Variants in RAB3GAP2 observed in about 807,000 individuals in gnomAD.
RAB3GAP2 encodes the protein RAB3 GTPase activating non-catalytic protein subunit 2.
In RAB3GAP2, 87 loss-of-function variants were observed where a neutral mutation model predicts 185.3. The ratio of observed to expected loss-of-function variants is 0.47; its 90% CI spans 0.39 to 0.56. RAB3GAP2 has a LOEUF of 0.56. Among genes scored for constraint, RAB3GAP2 ranks in the 20% least tolerant of loss-of-function variants. The probability of loss-of-function intolerance (pLI) is 0.00; values close to 1 mark genes in which losing one functional copy is unlikely to be tolerated. For missense variants in RAB3GAP2, 1,492 were observed against 1,638.2 expected (o/e 0.91, Z 1.54); for synonymous variants, 554 against 576.1 (o/e 0.96, Z 0.55).
intron 1 of RAB3GAP2, chr1:220,267,272 C>T (rs1660244913): frequency 1.1e-6 from 1 of 909,182 alleles, no homozygotes; most frequent in Non-Finnish European, 1.9e-6. Flanking sequence ...TTGACTGTTT[C>T]AAGTGGTGTA....
At chr1:220,194,084 C>G (rs1220139156) in intron 12 of RAB3GAP2, among the ~76,000 whole-genome samples, 1 of 151,826 alleles carries the variant, frequency 6.6e-6, no homozygotes, top group African/African-American at 2.4e-5. Flanking sequence ...AGCTATACTT[C>G]GATAAATTTT....
chr1:220,190,616 C>A, intron 14 of RAB3GAP2, 96 bp from the exon 15 acceptor site: 2 of 1,300,346 alleles, frequency 1.5e-6, no homozygotes, highest in East Asian at 2.3e-5. Context: ...ACATTATTAT[C>A]AATTTAGGAG....
At chr1:220,270,664 T>C (rs1437295306) in intron 1 of RAB3GAP2, among the ~76,000 whole-genome samples, 2 of 152,212 alleles carry the variant, frequency 1.3e-5, no homozygotes, top group South Asian at 2.1e-4. Context: ...CTAAGGTTCT[T>C]AATTCAAGCT....
intron 1 of RAB3GAP2, among the ~76,000 whole-genome samples, chr1:220,255,526 A>G (rs1193240434): frequency 3.3e-5 from 5 of 152,330 alleles, no homozygotes; most frequent in African/African-American, 9.6e-5. Context: ...AGAAGCTAAG[A>G]ATCATGATCA....
chr1:220,263,285 CAA>C (rs1660173926), intron 1 of RAB3GAP2, among the ~76,000 whole-genome samples: 1 of 152,044 alleles, frequency 6.6e-6, no homozygotes. Flanking sequence ...CTTTGATGCA[CAA>C]AGTTTTTAAG....
At chr1:220,233,237 G>A (rs563211416) in intron 1 of RAB3GAP2, among the ~76,000 whole-genome samples, 9 of 151,114 alleles carry the variant, frequency 6.0e-5, no homozygotes, top group South Asian at 4.2e-4. Flanking sequence ...AAATATACAC[G>A]GTGATAAAAA....
At chr1:220,240,328 A>G (rs1659667672) in intron 1 of RAB3GAP2, among the ~76,000 whole-genome samples, 1 of 152,208 alleles carries the variant, frequency 6.6e-6, no homozygotes. Flanking sequence ...TTGTTGTACA[A>G]TTTGATAAAA....
rs569895048 is a variant in RAB3GAP2, at chr1:220,181,860, G to C, written c.2310+397C>G. 4.0e-5 allele frequency among the ~76,000 whole-genome samples: 6 copies of C among 151,898 alleles called. No homozygotes were observed. The East Asian group carries it at 1.2e-3, about 30-fold the overall frequency. On this transcript the variant is annotated intron_variant, in intron 21 of 34. Coordinates refer to ENST00000358951, the MANE Select transcript of RAB3GAP2 (RefSeq NM_012414.4). The stretch of plus-strand genomic sequence containing the variant: ...AGGCCAGGAGTTTGAGACAAGCTGG[G>C]CAACATAGCGAGACCCCCATCTCCA...
rs569339392 is a variant in RAB3GAP2, at chr1:220,195,304, G to A, written c.1034C>T (p.Ala345Val). The change falls in exon 11 of 35, where the codon GCT becomes GTT. Residue 345 changes from alanine to valine, a missense_variant. This residue lies in a region of RAB3GAP2 where 243 missense variants were observed against 314.8 expected (regional missense o/e 0.77). Transcript: ENST00000358951. ...ASKLTSALFN[A>V]ASGWLGWKSK... ...TTAATTGTTAAGTAATTACCTGGCA[G>A]CATTAAATAAAGCAGAAGTGAGTTT... The A allele has an allele frequency of 6.2e-7, 1 of 1,608,128 alleles. No individual in the cohort carries two copies. The highest frequency in any genetic ancestry group is 2.2e-5 in the East Asian group (1 of 44,824).
intron 14 of RAB3GAP2, 107 bp from the exon 15 acceptor site, chr1:220,190,627 C>T (rs1658597701): frequency 8.4e-7 from 1 of 1,187,386 alleles, no homozygotes; most frequent in Admixed American, 1.8e-5. Context: ...AATTTAGGAG[C>T]ATTAATAAGG....
Position 220,212,769 on chromosome 1 carries a change from A to C in RAB3GAP2, c.386+118T>G, listed in dbSNP as rs149533801. ...TGGCTTCCCAAAGTGCTAGGATTAC[A>C]GATGTGAACCACTGCACCCAATCAA... On this transcript the variant is annotated intron_variant, in intron 4 of 34. Coordinates refer to ENST00000358951, the MANE Select transcript of RAB3GAP2 (RefSeq NM_012414.4). The C allele has an allele frequency of 2.6e-4, 229 of 865,254 alleles. No individual in the cohort carries two copies. The highest frequency in any genetic ancestry group is 4.1e-4 in the Non-Finnish European group (216 of 524,112). 53.6% of individuals were successfully genotyped at this position (865,254 alleles called of 1,614,324 possible). A position where few individuals can be genotyped will look rare whatever the true frequency, so the allele number is the denominator to read the frequency against.
intron 6 of RAB3GAP2, 117 bp from the exon 7 acceptor site, chr1:220,210,606 C>G: frequency 2.0e-6 from 2 of 999,844 alleles, no homozygotes; most frequent in Non-Finnish European, 3.2e-6. Context: ...CAGGTACACT[C>G]TTTTCAGAAT....
intron 1 of RAB3GAP2, among the ~76,000 whole-genome samples, chr1:220,244,774 T>G (rs1659764789): frequency 6.6e-6 from 1 of 152,088 alleles, no homozygotes; most frequent in Non-Finnish European, 1.5e-5. Context: ...CAACTGATCT[T>G]TGGCAAAGCA....
At chr1:220,152,596 T>C (rs1351503894) in intron 33 of RAB3GAP2, among the ~76,000 whole-genome samples, 1 of 152,254 alleles carries the variant, frequency 6.6e-6, no homozygotes, top group Non-Finnish European at 1.5e-5. Context: ...TCCCCCAGTT[T>C]CTGAGTAGCT....
chr1:220,253,842 G>C, intron 1 of RAB3GAP2: 1 of 1,612,454 alleles, frequency 6.2e-7, no homozygotes, highest in Non-Finnish European at 8.5e-7. Flanking sequence ...AGATGAGAGG[G>C]GCTGCCCCAG....
intron 1 of RAB3GAP2, among the ~76,000 whole-genome samples, chr1:220,239,591 TTTAA>T (rs1424234729): frequency 6.6e-6 from 1 of 152,178 alleles, no homozygotes; most frequent in African/African-American, 2.4e-5. Context: ...TCCATCCCAT[TTTAA>T]TTAGTGAGAA....
Position 220,184,044 on chromosome 1 carries a change from A to T in RAB3GAP2, c.1990T>A (p.Ser664Thr). The T allele has an allele frequency of 6.4e-7, 1 of 1,569,598 alleles. No individual in the cohort carries two copies. The highest frequency in any genetic ancestry group is 8.8e-7 in the Non-Finnish European group (1 of 1,142,342). Reference sequence around the variant, plus strand: ...AATGTGGGATTACTCACATTATCAGAGAATGGTGTGTCTAAATGAAAATCA... The same window carrying T: ...AATGTGGGATTACTCACATTATCAGTGAATGGTGTGTCTAAATGAAAATCA... ...SLDFHLDTPFSDNDLALLLRL... is the reference protein window; with the variant it reads ...SLDFHLDTPFTDNDLALLLRL... Residue 664 changes from serine (S) to threonine (T), a missense_variant, in exon 19 of 35, where the codon TCT (serine) becomes ACT (threonine). Ser to Thr is a moderately conservative substitution (Grantham distance 58, BLOSUM62 1). This residue lies in a region of RAB3GAP2 where 681 missense variants were observed against 689.1 expected (regional missense o/e 0.99). Coordinates refer to ENST00000358951, the MANE Select transcript of RAB3GAP2 (RefSeq NM_012414.4).
At chr1:220,250,093 T>C (rs1472457181) in intron 1 of RAB3GAP2, among the ~76,000 whole-genome samples, 1 of 151,988 alleles carries the variant, frequency 6.6e-6, no homozygotes, top group Non-Finnish European at 1.5e-5. Context: ...CCCAGAATAG[T>C]ACATCCACCG....
At chr1:220,251,381 T>C (rs1263415153) in intron 1 of RAB3GAP2, among the ~76,000 whole-genome samples, 1 of 152,188 alleles carries the variant, frequency 6.6e-6, no homozygotes, top group African/African-American at 2.4e-5. Flanking sequence ...AGAGATATGA[T>C]TATATAAATA....
Sources: allele counts gnomAD v4.1 joint callset (sites outside exome capture counted in the v4.1 genomes callset), GRCh38; gene constraint gnomAD v4.1.1; regional missense constraint gnomAD v4.1.1; transcripts MANE v1.5; gene names NCBI Gene and HGNC (gene_info 2026-07-23, HGNC 2026-07-21).